The following ADGRB3 variants were observed in gnomAD, a reference collection of about 807,000 sequenced individuals.
ADGRB3 encodes the protein brain-specific angiogenesis inhibitor 3.
ADGRB3 carries 37 observed loss-of-function variants against 193.4 expected under a neutral mutation model. The ratio of observed to expected loss-of-function variants is 0.19; its 90% CI spans 0.15 to 0.25. ADGRB3 has a LOEUF of 0.25. Among genes scored for constraint, ADGRB3 ranks in the 10% least tolerant of loss-of-function variants. The probability of loss-of-function intolerance (pLI) is 1.00; values close to 1 mark genes in which losing one functional copy is unlikely to be tolerated. For synonymous variants in ADGRB3, 690 were observed against 644.2 expected, an observed-to-expected ratio of 1.07 and a Z score of -1.08; for missense variants, 1,637 against 1,852.9, an observed-to-expected ratio of 0.88 and a Z score of 2.14.
intron 3 of ADGRB3, among the ~76,000 whole-genome samples, chr6:68,787,037 C>A (rs1023468527): frequency 3.9e-5 from 6 of 152,138 alleles, no homozygotes; most frequent in Non-Finnish European, 7.3e-5. Flanking sequence ...TTCTTATCAG[C>A]TTGAGGAGAT....
chr6:69,338,267 A>T (rs1363173200), intron 24 of ADGRB3, among the ~76,000 whole-genome samples: 1 of 152,172 alleles, frequency 6.6e-6, no homozygotes, highest in East Asian at 1.9e-4. Flanking sequence ...ACTATGTTAA[A>T]TGTGTTTTAT....
intron 3 of ADGRB3, among the ~76,000 whole-genome samples, chr6:68,743,061 C>T (rs898277054): frequency 6.6e-5 from 10 of 151,962 alleles, no homozygotes; most frequent in Non-Finnish European, 1.0e-4. Context: ...GGCTGGATTT[C>T]GTGAGCTCTT....
intron 3 of ADGRB3, among the ~76,000 whole-genome samples, chr6:68,665,413 T>C (rs576744737): frequency 2.0e-5 from 3 of 151,972 alleles, no homozygotes; most frequent in African/African-American, 7.2e-5. Context: ...AGTATTTAAT[T>C]GGAGTCCAAA....
chr6:68,852,646 T>C (rs1244338233), intron 3 of ADGRB3, among the ~76,000 whole-genome samples: 1 of 152,052 alleles, frequency 6.6e-6, no homozygotes, highest in Non-Finnish European at 1.5e-5. Flanking sequence ...ATCAGTGGCA[T>C]CTTTTTAATA....
chr6:68,944,030 T>C (rs1467130784), intron 6 of ADGRB3, 36 bp downstream of exon 6: 2 of 1,568,580 alleles, frequency 1.3e-6, no homozygotes, highest in East Asian at 4.5e-5. Flanking sequence ...GTTTGCATTA[T>C]GTGCTTTTTA....
At chr6:69,205,062 A>G (rs1765507812) in intron 17 of ADGRB3, among the ~76,000 whole-genome samples, 1 of 152,206 alleles carries the variant, frequency 6.6e-6, no homozygotes, top group Non-Finnish European at 1.5e-5. Flanking sequence ...TAAATGCTAA[A>G]TAATTTGTAA....
chr6:69,087,616 A>T (rs576352501), intron 17 of ADGRB3, among the ~76,000 whole-genome samples: 1 of 152,304 alleles, frequency 6.6e-6, no homozygotes, highest in Non-Finnish European at 1.5e-5. Flanking sequence ...CCACCATCCA[A>T]TAAATTTCTG....
intron 17 of ADGRB3, among the ~76,000 whole-genome samples, chr6:69,216,519 C>T (rs1344396706): frequency 6.6e-6 from 1 of 152,024 alleles, no homozygotes; most frequent in Non-Finnish European, 1.5e-5. Context: ...TGAGCAACAC[C>T]CACAGGTAAA....
At chr6:68,712,278 A>T (rs573642783) in intron 3 of ADGRB3, among the ~76,000 whole-genome samples, 2 of 152,008 alleles carry the variant, frequency 1.3e-5, no homozygotes, top group African/African-American at 4.8e-5. Context: ...GGTGACTGAA[A>T]AAAAGGCAAA....
chr6:69,247,484 T>C (rs898721622), intron 20 of ADGRB3, among the ~76,000 whole-genome samples: 1 of 152,196 alleles, frequency 6.6e-6, no homozygotes, highest in Non-Finnish European at 1.5e-5. Flanking sequence ...TGGGAGTTCC[T>C]CTTGCTTGTG....
intron 20 of ADGRB3, among the ~76,000 whole-genome samples, chr6:69,314,370 T>G (rs1290312654): frequency 6.6e-6 from 1 of 151,672 alleles, no homozygotes; most frequent in Non-Finnish European, 1.5e-5. Flanking sequence ...ATTTAGAAAT[T>G]GCTTTTATTG....
At chr6:68,778,959 T>C (rs1766801482) in intron 3 of ADGRB3, among the ~76,000 whole-genome samples, 1 of 151,834 alleles carries the variant, frequency 6.6e-6, no homozygotes. Flanking sequence ...AATAAGCCAA[T>C]GGTAATGCAG....
At chr6:69,096,239 C>T (rs1772872453) in intron 17 of ADGRB3, among the ~76,000 whole-genome samples, 1 of 151,974 alleles carries the variant, frequency 6.6e-6, no homozygotes, top group Admixed American at 6.6e-5. Flanking sequence ...TTTAATTTAC[C>T]ATTTTTATAT....
At chr6:69,348,358 A>G (rs1769151257) in intron 26 of ADGRB3, among the ~76,000 whole-genome samples, 1 of 152,100 alleles carries the variant, frequency 6.6e-6, no homozygotes, top group Admixed American at 6.5e-5. Context: ...TCTAGTCAAG[A>G]AGAGTAGGCT....
chr6:69,317,644 GC>G (rs1561985749), intron 20 of ADGRB3, among the ~76,000 whole-genome samples: 1 of 151,306 alleles, frequency 6.6e-6, no homozygotes, highest in Non-Finnish European at 1.5e-5. Flanking sequence ...CCCACGCCCT[GC>G]CCTGCCACCC....
intron 3 of ADGRB3, among the ~76,000 whole-genome samples, chr6:68,695,105 T>G (rs1765136009): frequency 6.6e-6 from 1 of 152,068 alleles, no homozygotes; most frequent in African/African-American, 2.4e-5. Context: ...GAAGTTTTAA[T>G]TATATTCAGT....
chr6:68,746,747 T>A (rs1766093287), intron 3 of ADGRB3, among the ~76,000 whole-genome samples: 1 of 152,190 alleles, frequency 6.6e-6, no homozygotes, highest in South Asian at 2.1e-4. Flanking sequence ...TCTTTAGTAA[T>A]TTTTTGGAGT....
intron 24 of ADGRB3, among the ~76,000 whole-genome samples, chr6:69,333,885 G>A (rs79072887): frequency 1.3e-5 from 2 of 149,332 alleles, no homozygotes; most frequent in African/African-American, 4.9e-5. Context: ...AGCCAAGATC[G>A]CGCCACTGCA....
chr6:68,977,920 T>C (rs1768794858), intron 10 of ADGRB3, among the ~76,000 whole-genome samples: 1 of 151,052 alleles, frequency 6.6e-6, no homozygotes, highest in South Asian at 2.1e-4. Context: ...CTCTTTTCTT[T>C]AGGCCATTCA....
Sources: gnomAD v4.1 joint callset for allele counts (sites outside exome capture counted in the v4.1 genomes callset) on GRCh38, gnomAD v4.1.1 for gene constraint, MANE v1.5 for transcripts, NCBI Gene and HGNC (gene_info 2026-07-23, HGNC 2026-07-21) for gene names.